Variants in PLCB4 observed in about 807,000 individuals in gnomAD.
The protein encoded by PLCB4 is 1-phosphatidylinositol 4,5-bisphosphate phosphodiesterase beta-4.
In PLCB4, 77 loss-of-function variants were observed where a neutral mutation model predicts 178.8. The observed-to-expected ratio is 0.43, with a 90% CI of 0.36 to 0.52. PLCB4 has a LOEUF of 0.52. Ranked by LOEUF, PLCB4 falls within the 20% of genes least tolerant of loss-of-function variation. PLCB4 has a pLI of 0.00. For missense variants in PLCB4, 1,024 were observed against 1,453.4 expected (o/e 0.70, Z 4.80); for synonymous variants, 496 against 490.8 (o/e 1.01, Z -0.14).
At chr20:9,259,619 G>A (rs957075661) in intron 3 of PLCB4, among the ~76,000 whole-genome samples, 3 of 152,094 alleles carry the variant, frequency 2.0e-5, no homozygotes, top group Admixed American at 2.0e-4. Context: ...GGCATACTGT[G>A]GAGTTAAATG....
At chr20:9,235,440 T>A (rs757650431) in intron 3 of PLCB4, among the ~76,000 whole-genome samples, 8 of 152,226 alleles carry the variant, frequency 5.3e-5, no homozygotes, top group Non-Finnish European at 1.2e-4. Context: ...TGTATAATAG[T>A]GTCTGTTTCC....
intron 2 of PLCB4, among the ~76,000 whole-genome samples, chr20:9,186,717 C>A (rs957298743): frequency 6.6e-6 from 1 of 152,104 alleles, no homozygotes; most frequent in African/African-American, 2.4e-5. Context: ...AGACTGAGTT[C>A]TTTTCTCTCT....
chr20:9,208,698 T>C (rs1429246729), intron 2 of PLCB4, among the ~76,000 whole-genome samples: 4 of 152,074 alleles, frequency 2.6e-5, no homozygotes, highest in African/African-American at 9.7e-5. Context: ...TGCCACCATT[T>C]CTGGCTAATT....
intron 7 of PLCB4, among the ~76,000 whole-genome samples, chr20:9,356,705 A>G (rs1329820551): frequency 3.9e-5 from 6 of 152,216 alleles, no homozygotes; most frequent in African/African-American, 1.4e-4. Context: ...CTATATTTCA[A>G]ATTATATACA....
intron 3 of PLCB4, among the ~76,000 whole-genome samples, chr20:9,228,655 CATATGTGTGTTTATGTGT>C (rs756831783): frequency 7.2e-5 from 11 of 152,124 alleles, no homozygotes; most frequent in Non-Finnish European, 1.3e-4. Flanking sequence ...GAAGTAGGTA[CATATGTGTGTTTATGTGT>C]ATATGTGTGT....
intron 12 of PLCB4, among the ~76,000 whole-genome samples, chr20:9,377,915 A>G: frequency 6.6e-6 from 1 of 152,172 alleles, no homozygotes; most frequent in East Asian, 1.9e-4. Context: ...AGAATTACTC[A>G]GAAGTCTTAT....
intron 2 of PLCB4, among the ~76,000 whole-genome samples, chr20:9,131,946 C>T (rs2092282734): frequency 6.6e-6 from 1 of 152,052 alleles, no homozygotes; most frequent in South Asian, 2.1e-4. Flanking sequence ...CGATAGAGAC[C>T]CTGAATGATG....
At chr20:9,086,556 G>A (rs1252974549) in intron 1 of PLCB4, among the ~76,000 whole-genome samples, 1 of 152,120 alleles carries the variant, frequency 6.6e-6, no homozygotes, top group Non-Finnish European at 1.5e-5. Flanking sequence ...GCCCATTTAA[G>A]TAACTTGTTC....
intron 35 of PLCB4, among the ~76,000 whole-genome samples, chr20:9,466,755 C>T (rs913614052): frequency 1.3e-5 from 2 of 152,058 alleles, no homozygotes; most frequent in Non-Finnish European, 2.9e-5. Context: ...GTTAGAATGG[C>T]GATCATTAAA....
chr20:9,376,352 C>T (rs1392334496), intron 12 of PLCB4, among the ~76,000 whole-genome samples: 1 of 152,152 alleles, frequency 6.6e-6, no homozygotes, highest in Non-Finnish European at 1.5e-5. Flanking sequence ...TGGATTCCTC[C>T]TTGGAATGTT....
chr20:9,337,257 TTTTG>T, intron 5 of PLCB4, 51 bp downstream of exon 5: 1 of 1,327,990 alleles, frequency 7.5e-7, no homozygotes, highest in Middle Eastern at 1.8e-4. Context: ...GTTTAAGCCA[TTTTG>T]TTTCTCAACA....
chr20:9,304,301 A>G (rs1367801349), intron 3 of PLCB4, among the ~76,000 whole-genome samples: 1 of 151,838 alleles, frequency 6.6e-6, no homozygotes, highest in Non-Finnish European at 1.5e-5. Context: ...TCATTAATTT[A>G]TATGTTTCCT....
Position 9,132,990 on chromosome 20 carries a change from A to G in PLCB4, c.-79+36648A>G, listed in dbSNP as rs181418342. ...TGCCCAGGACCACCCCCCGACAACA[A>G]GGAATTAACCAGCCCAAAATGTCAG... On this transcript the variant is annotated intron_variant, in intron 2 of 39. Transcript: ENST00000378473. 2.6e-5 allele frequency among the ~76,000 whole-genome samples: 4 copies of G among 152,216 alleles called. No individual in the cohort carries two copies. The East Asian group carries it at 7.8e-4, about 30-fold the overall frequency.
intron 35 of PLCB4, among the ~76,000 whole-genome samples, chr20:9,468,302 A>G (rs949616370): frequency 6.6e-6 from 1 of 152,176 alleles, no homozygotes; most frequent in African/African-American, 2.4e-5. Flanking sequence ...AAAAAAAAGA[A>G]GAGTGAGAGG....
chr20:9,147,153 A>C (rs1443365896), intron 2 of PLCB4, among the ~76,000 whole-genome samples: 1 of 152,188 alleles, frequency 6.6e-6, no homozygotes, highest in Non-Finnish European at 1.5e-5. Flanking sequence ...AGGGAATCAT[A>C]CTTGGAGGTC....
At chr20:9,350,466 G>A (rs887454387) in intron 7 of PLCB4, among the ~76,000 whole-genome samples, 2 of 152,192 alleles carry the variant, frequency 1.3e-5, no homozygotes, top group African/African-American at 4.8e-5. Flanking sequence ...AGTAAGTGGT[G>A]TTTTGAGCCC....
At chr20:9,110,014 A>C (rs1036223677) in intron 2 of PLCB4, among the ~76,000 whole-genome samples, 33 of 152,178 alleles carry the variant, frequency 2.2e-4, no homozygotes, top group Admixed American at 7.2e-4. Context: ...TTTATGGACA[A>C]GTTCCCACAG....
intron 7 of PLCB4, among the ~76,000 whole-genome samples, chr20:9,349,703 T>C (rs6086850): frequency 0.05 from 7,610 of 152,230 alleles, 267 homozygotes; most frequent in Non-Finnish European, 0.076. Context: ...ATCAAATGAC[T>C]CCACCAAGGG....
At chr20:9,440,104 G>A (rs1204529397) in intron 30 of PLCB4, among the ~76,000 whole-genome samples, 1 of 152,202 alleles carries the variant, frequency 6.6e-6, no homozygotes, top group Non-Finnish European at 1.5e-5. Flanking sequence ...TGTTCACATG[G>A]TAGTTGCAGT....
Sources: allele counts gnomAD v4.1 joint callset (sites outside exome capture counted in the v4.1 genomes callset), GRCh38; gene constraint gnomAD v4.1.1; transcripts MANE v1.5; gene names NCBI Gene and HGNC (gene_info 2026-07-23, HGNC 2026-07-21).